DNAH14: variants seen among roughly 807,000 people sequenced by gnomAD.
DNAH14 encodes the protein axonemal beta dynein heavy chain 14.
DNAH14 carries 478 observed loss-of-function variants against 520.9 expected under a neutral mutation model. That is an observed-to-expected ratio of 0.92 (90% CI 0.85 to 0.99). The LOEUF (loss-of-function observed/expected upper bound fraction) is 0.99. Ranked by LOEUF, DNAH14 falls within the 50% of genes least tolerant of loss-of-function variation. DNAH14 has a pLI of 0.00. For missense variants in DNAH14, 4,831 were observed against 5,234.5 expected, an observed-to-expected ratio of 0.92 and a Z score of 2.38; for synonymous variants, 1,581 against 1,757.2, an observed-to-expected ratio of 0.90 and a Z score of 2.51.
At chr1:225,271,597 G>A (rs2093316879) in intron 50 of DNAH14, among the ~76,000 whole-genome samples, 1 of 152,090 alleles carries the variant, frequency 6.6e-6, no homozygotes, top group South Asian at 2.1e-4. Flanking sequence ...AGAGCAAGGA[G>A]ATGAAAGAAT....
chr1:225,134,267 A>G (rs1002620141), intron 27 of DNAH14, among the ~76,000 whole-genome samples: 3 of 152,140 alleles, frequency 2.0e-5, no homozygotes, highest in African/African-American at 7.2e-5. Flanking sequence ...ACTATGTTGA[A>G]TAGGAGTGGT....
intron 8 of DNAH14, among the ~76,000 whole-genome samples, chr1:224,977,342 TG>T (rs2061930211): frequency 1.5e-5 from 1 of 65,274 alleles, no homozygotes; most frequent in Non-Finnish European, 3.0e-5. Context: ...TGTTGTGGGG[TG>T]GGGGGAGGGT....
At chr1:225,160,309 C>CA (rs1047809681) in intron 35 of DNAH14, among the ~76,000 whole-genome samples, 5 of 151,864 alleles carry the variant, frequency 3.3e-5, no homozygotes, top group Non-Finnish European at 7.4e-5. Flanking sequence ...AACCTGTCTT[C>CA]AAAAAAATAC....
rs2094624460 is a variant in DNAH14 at position 225,324,893 on chromosome 1, A to G, written c.9723+61A>G. 7 of 1,271,416 alleles carry G rather than the reference A, an allele frequency of 5.5e-6. No individual in the cohort carries two copies. In the South Asian group the frequency reaches 1.0e-4, roughly 18 times the overall value. 78.8% of individuals were successfully genotyped at this position (1,271,416 alleles called of 1,614,324 possible). A position where few individuals can be genotyped will look rare whatever the true frequency, so the allele number is the denominator to read the frequency against. On this transcript the variant is annotated intron_variant, in intron 64 of 85. Coordinates refer to ENST00000682510, the MANE Select transcript of DNAH14 (RefSeq NM_001367479.1). Reference sequence around the variant, plus strand: ...AACACCAGGACAATGTAATTATCTCAGGAGAGCTTATCAGTTTCAGATAAG... The same window carrying G: ...AACACCAGGACAATGTAATTATCTCGGGAGAGCTTATCAGTTTCAGATAAG...
At chr1:225,077,275 A>G (rs932691756) in intron 17 of DNAH14, among the ~76,000 whole-genome samples, 2 of 152,162 alleles carry the variant, frequency 1.3e-5, no homozygotes, top group African/African-American at 2.4e-5. Context: ...CCTTACCAGC[A>G]TGTGCATACA....
At chr1:225,308,603 G>C (rs928461672) in intron 60 of DNAH14, among the ~76,000 whole-genome samples, 193 bp downstream of exon 60, 1 of 152,094 alleles carries the variant, frequency 6.6e-6, no homozygotes, top group Admixed American at 6.5e-5. Flanking sequence ...AAAGTATGAA[G>C]TCCAAACATG....
At position 225,094,686 on chromosome 1, in the gene DNAH14, ACAAACAAAC is replaced by A. The variant is rs1558937456; in HGVS notation, c.3574-2431_3574-2423del. On this transcript the variant is annotated intron_variant, in intron 21 of 85. Coordinates refer to ENST00000682510, the MANE Select transcript of DNAH14 (RefSeq NM_001367479.1). ...AAAAAAAAAAAAAAAAAACAACAAAACAAACAAACAAAAAAACGCTATCAACAGAGTAAA... is the reference window on the plus strand; with the variant it reads ...AAAAAAAAAAAAAAAAAACAACAAAAAAAAAAACGCTATCAACAGAGTAAA... Among the ~76,000 whole-genome samples the A allele has an allele frequency of 5.9e-3, 635 of 108,212 alleles. 7 individuals are homozygous for A. Among genetic ancestry groups the A allele is most frequent in the South Asian group, 9.9e-3 (37 of 3,730 alleles). The allele number at this position is 108,212 out of a possible 152,430, so 71.0% of individuals were successfully genotyped here.
chr1:225,217,580 C>A (rs2089542967), intron 41 of DNAH14, among the ~76,000 whole-genome samples: 2 of 152,180 alleles, frequency 1.3e-5, no homozygotes, highest in South Asian at 4.1e-4. Context: ...GCTTTGTTTA[C>A]CTTTTCAAGC....
chr1:225,191,984 T>C (rs1486178215), intron 37 of DNAH14, among the ~76,000 whole-genome samples: 2 of 151,780 alleles, frequency 1.3e-5, no homozygotes, highest in African/African-American at 4.9e-5. Flanking sequence ...TTTGCTGGGG[T>C]AGTTTTTGAC....
intron 64 of DNAH14, among the ~76,000 whole-genome samples, chr1:225,329,467 TC>T (rs2150264905): frequency 6.6e-6 from 1 of 152,294 alleles, no homozygotes; most frequent in Admixed American, 6.5e-5. Context: ...CTGGACTATA[TC>T]CTTAATCCAT....
intron 81 of DNAH14, among the ~76,000 whole-genome samples, chr1:225,383,472 C>T (rs1056364222): frequency 2.0e-5 from 3 of 152,296 alleles, no homozygotes; most frequent in East Asian, 1.9e-4. Context: ...GGACTCCACA[C>T]GTGCAAAGTT....
intron 55 of DNAH14, among the ~76,000 whole-genome samples, chr1:225,294,186 A>G (rs1344696772): frequency 6.6e-6 from 1 of 152,118 alleles, no homozygotes; most frequent in Non-Finnish European, 1.5e-5. Context: ...TTCAGCATCT[A>G]TTGAGATGAT....
rs1274192513 is a variant in DNAH14, at chr1:225,050,257, G to A, written c.1960G>A (p.Asp654Asn). ...CQDPQLSIFI[D>N]LVSIMDLPNK... ...AGATCCCCAGCTGTCTATCTTCATT[G>A]ATTTGGTTTCAATAATGGATTTACC... The change falls in exon 16 of 86, where the codon GAT becomes AAT. Residue 654 changes from aspartate (D) to asparagine (N), a missense_variant. Transcript: ENST00000682510. 1.3e-6 allele frequency: 2 copies of A among 1,549,304 alleles called. No individual in the cohort carries two copies. Among genetic ancestry groups the A allele is most frequent in the Non-Finnish European group, 1.7e-6 (2 of 1,146,238 alleles).
At chr1:225,294,673 A>T (rs1331967168) in intron 55 of DNAH14, among the ~76,000 whole-genome samples, 1 of 151,974 alleles carries the variant, frequency 6.6e-6, no homozygotes, top group Non-Finnish European at 1.5e-5. Context: ...GTACAAAAAA[A>T]ATTAGCCTGG....
intron 41 of DNAH14, among the ~76,000 whole-genome samples, chr1:225,215,720 TG>T (rs1380846391): frequency 6.6e-6 from 1 of 152,114 alleles, no homozygotes; most frequent in African/African-American, 2.4e-5. Flanking sequence ...ATTGCAACCC[TG>T]CCTTTTTTTA....
Position 225,392,470 on chromosome 1 carries a change from G to A in DNAH14, c.13491+19G>A. 1 of 1,550,444 alleles carries A rather than the reference G, an allele frequency of 6.4e-7. No homozygotes were observed. The highest frequency in any genetic ancestry group is 8.7e-7 in the Non-Finnish European group (1 of 1,146,328). The stretch of plus-strand genomic sequence containing the variant: ...GTTTAAGGTACTGGAATACTTCAAG[G>A]ATTAGAAACGGTGATCATTCATTCA... On this transcript the variant is annotated intron_variant, in intron 84 of 85. Coordinates refer to ENST00000682510, the MANE Select transcript of DNAH14 (RefSeq NM_001367479.1).
At chr1:225,366,113 C>G (rs2095550053) in intron 76 of DNAH14, among the ~76,000 whole-genome samples, 1 of 152,024 alleles carries the variant, frequency 6.6e-6, no homozygotes, top group African/African-American at 2.4e-5. Context: ...CTCTAGATAT[C>G]AGAAAAATAC....
rs1456134552 is a variant in DNAH14, at chr1:225,360,929, G to T, written c.11987+38G>T. 2.0e-6 allele frequency: 3 copies of T among 1,526,854 alleles called. No homozygotes were observed. In the African/African-American group the frequency reaches 4.1e-5, roughly 21 times the overall value. The allele number at this position is 1,526,854 out of a possible 1,614,324, so 94.6% of individuals were successfully genotyped here. Reference sequence around the variant, plus strand: ...CATTTATCTGTAAGGGATCAGATTGGTTACCAAAACTATAAAGTAAAACTG... The same window carrying T: ...CATTTATCTGTAAGGGATCAGATTGTTTACCAAAACTATAAAGTAAAACTG... On this transcript the variant is annotated intron_variant, in intron 75 of 85. Coordinates refer to ENST00000682510, the MANE Select transcript of DNAH14 (RefSeq NM_001367479.1).
At chr1:225,132,790 G>A (rs1323593753) in intron 27 of DNAH14, among the ~76,000 whole-genome samples, 3 of 152,032 alleles carry the variant, frequency 2.0e-5, no homozygotes, top group Non-Finnish European at 4.4e-5. Flanking sequence ...TTGAGGAATC[G>A]CCACACTATC....
Sources: gnomAD v4.1 joint callset for allele counts (sites outside exome capture counted in the v4.1 genomes callset) on GRCh38, gnomAD v4.1.1 for gene constraint, MANE v1.5 for transcripts, NCBI Gene and HGNC (gene_info 2026-07-23, HGNC 2026-07-21) for gene names.